The following CD72 variants were observed in gnomAD, a reference collection of about 807,000 sequenced individuals.
CD72 encodes the protein CD72 molecule, also known as B-cell differentiation antigen CD72.
Under a neutral mutation model 50.7 loss-of-function variants are expected in CD72, and 28 were observed. That is an observed-to-expected ratio of 0.55 (90% CI 0.41 to 0.76). CD72 has a LOEUF of 0.76. Ranked by LOEUF, CD72 falls within the 30% of genes least tolerant of loss-of-function variation. The pLI is 0.00. For synonymous variants in CD72, 176 were observed against 171.2 expected (o/e 1.03, Z -0.22); for missense variants, 403 against 420.6 (o/e 0.96, Z 0.37).
chr9:35,643,464 AT>A (rs1823357941), intron 1 of CD72: 1 of 152,212 alleles, frequency 6.6e-6, no homozygotes, highest in African/African-American at 2.4e-5. Context: ...TTCCCATTCC[AT>A]TTAGGCCTCC....
chr9:35,625,226 C>A (rs1823185748), intron 1 of CD72, among the ~76,000 whole-genome samples: 1 of 152,196 alleles, frequency 6.6e-6, no homozygotes, highest in Admixed American at 6.5e-5. Context: ...AAAAGAGCTA[C>A]TCCAGTGAAC....
Position 35,612,904 on chromosome 9 carries a change from G to A in CD72, c.778C>T (p.Gln260Ter). ...AGCTTGGAAGACAGAGTTTCACATT[G>A]TTTTTGGCTCTCCTGCCAATTTTTT... is the stretch of plus-strand genomic sequence containing the variant. Reference protein sequence around the residue: ...TSKNWQESQKQCETLSSKLAT... With the variant: ...TSKNWQESQK Residue 260 changes from glutamine (Q) to a stop codon, truncating the protein, a stop_gained, in exon 6 of 9, where the codon CAA (glutamine) becomes TAA (stop). Coordinates refer to ENST00000259633, the MANE Select transcript of CD72 (RefSeq NM_001782.3). LOFTEE classifies it high-confidence loss of function. The A allele has an allele frequency of 1.2e-6, 2 of 1,614,094 alleles. No individual in the cohort carries two copies. Among genetic ancestry groups the A allele is most frequent in the Non-Finnish European group, 1.7e-6 (2 of 1,179,988 alleles).
intron 1 of CD72, among the ~76,000 whole-genome samples, chr9:35,640,438 C>T (rs1445719897): frequency 1.3e-5 from 2 of 152,228 alleles, no homozygotes; most frequent in South Asian, 2.1e-4. Context: ...TTGGGCCATG[C>T]GATGAGTGTT....
At chr9:35,638,146 T>C (rs1823308643) in intron 1 of CD72, among the ~76,000 whole-genome samples, 1 of 152,160 alleles carries the variant, frequency 6.6e-6, no homozygotes, top group African/African-American at 2.4e-5. Context: ...GTGCCGTACA[T>C]CCGGGCGTCT....
chr9:35,635,373 A>G (rs1051324520), intron 1 of CD72, among the ~76,000 whole-genome samples: 3 of 152,090 alleles, frequency 2.0e-5, no homozygotes, highest in African/African-American at 7.2e-5. Flanking sequence ...CTTCTACCAC[A>G]TATTTGCAAT....
intron 5 of CD72, among the ~76,000 whole-genome samples, chr9:35,614,124 T>A (rs182709548): frequency 1.3e-3 from 196 of 152,344 alleles, no homozygotes; most frequent in Non-Finnish European, 1.2e-3. Context: ...TAAGGATTTT[T>A]ATTTTTATAT....
chr9:35,627,831 CT>C (rs372328184), intron 1 of CD72, among the ~76,000 whole-genome samples: 3 of 149,200 alleles, frequency 2.0e-5, no homozygotes, highest in African/African-American at 4.9e-5. Context: ...TTTTGTACCT[CT>C]TTTTTTTTTC....
Position 35,610,617 on chromosome 9 carries a change from G to A in CD72, c.*7C>T. 6.2e-7 allele frequency: 1 copy of A among 1,613,320 alleles called. No homozygotes were observed. Among genetic ancestry groups the A allele is most frequent in the Non-Finnish European group, 8.5e-7 (1 of 1,179,564 alleles). On this transcript the variant is annotated 3_prime_UTR_variant, in exon 8 of 9. Coordinates refer to ENST00000259633, the MANE Select transcript of CD72 (RefSeq NM_001782.3). ...TCACTCTTACCAACTCAGTGCAAAG[G>A]ACTGTCCTAATCTGGAAACCTGAAA... is the stretch of plus-strand genomic sequence containing the variant.
At position 35,616,138 on chromosome 9, in the gene CD72, C is replaced by A. The variant is rs1823060915; in HGVS notation, c.493G>T (p.Ala165Ser). The change falls in exon 5 of 9, where the codon GCG becomes TCG. Residue 165 changes from alanine to serine, a missense_variant. By Grantham distance (99) the Ala-to-Ser change is moderately conservative (BLOSUM62 1). Coordinates refer to ENST00000259633, the MANE Select transcript of CD72 (RefSeq NM_001782.3). ...EDLQGSRREL[A>S]QSQEALQVEQ... is the part of the protein sequence containing the mutation. The stretch of plus-strand genomic sequence containing the variant: ...ACCTGTAGTGCTTCCTGACTCTGCG[C>A]CAGCTCTCTCCTGGACCCCTGCAGA... The A allele has an allele frequency of 1.2e-6, 2 of 1,614,182 alleles. No homozygotes were observed. The highest frequency in any genetic ancestry group is 8.5e-7 in the Non-Finnish European group (1 of 1,180,040).
At position 35,611,773 on chromosome 9, in the gene CD72, T is replaced by G. The variant is rs768950083; in HGVS notation, c.950+31A>C. ...GTCTTTATGGAGGGGATTATGGAGT[T>G]GAAAATACCCAGAAGTCCTAACAAA... On this transcript the variant is annotated intron_variant, in intron 7 of 8. Transcript: ENST00000259633. 3.8e-5 allele frequency: 46 copies of G among 1,196,880 alleles called. 1 individual carries two copies. In the South Asian group the frequency reaches 5.6e-4, roughly 15 times the overall value. The allele number at this position is 1,196,880 out of a possible 1,614,324, so 74.1% of individuals were successfully genotyped here.
intron 1 of CD72, among the ~76,000 whole-genome samples, chr9:35,633,631 T>C (rs1342800072): frequency 6.6e-6 from 1 of 152,182 alleles, no homozygotes; most frequent in Non-Finnish European, 1.5e-5. Context: ...ACAATTAAGA[T>C]ACAAAACCTT....
chr9:35,645,960 C>A (rs974257445), intron 1 of CD72, among the ~76,000 whole-genome samples: 1 of 152,044 alleles, frequency 6.6e-6, no homozygotes, highest in Middle Eastern at 3.2e-3. Flanking sequence ...AGGAGTTCAC[C>A]AGCCTGCCCA....
chr9:35,610,068 A>C lies in CD72; in HGVS notation c.*255T>G. On this transcript the variant is annotated 3_prime_UTR_variant, in exon 9 of 9. Transcript: ENST00000259633. The stretch of plus-strand genomic sequence containing the variant: ...CCCGTGCGCCCTCCTCCCCCACCCC[A>C]TTCTACCATGGGAAGTTCTTGGGGG... 3 of 288,548 alleles carry C rather than the reference A, an allele frequency of 1.0e-5. No homozygotes were observed. The highest frequency in any genetic ancestry group is 1.9e-5 in the Non-Finnish European group (3 of 155,370). 17.9% of individuals were successfully genotyped at this position (288,548 alleles called of 1,614,324 possible).
chr9:35,612,763 G>A (rs776337015), intron 6 of CD72, 85 bp downstream of exon 6: 1 of 1,275,406 alleles, frequency 7.8e-7, no homozygotes, highest in Non-Finnish European at 1.1e-6. Flanking sequence ...CCCCAGCCAT[G>A]TGTGCACTGC....
chr9:35,640,600 G>A (rs1823330227), intron 1 of CD72, among the ~76,000 whole-genome samples: 1 of 152,238 alleles, frequency 6.6e-6, no homozygotes. Flanking sequence ...AGTCTCACTG[G>A]GTCAGGAGCA....
In CD72 at chr9:35,616,047, G is replaced by A. The variant is rs755556121; in HGVS notation, c.584C>T (p.Thr195Met). 32 of 1,613,922 alleles carry A rather than the reference G, an allele frequency of 2.0e-5. No individual in the cohort carries two copies. The highest frequency in any genetic ancestry group is 4.4e-5 in the South Asian group (4 of 91,080). ...LQACQADRQK[T>M]KETLQSEEQQ... ...CTCCTCACTTTGCAAGGTCTCCTTC[G>A]TCTTCTGTCTGTCTGCCTGGCAGGC... The change falls in exon 5 of 9, where the codon ACG (threonine) becomes ATG (methionine). Residue 195 changes from threonine (T) to methionine (M), a missense_variant. Thr to Met is a moderately conservative substitution (Grantham distance 81). Transcript: ENST00000259633.
chr9:35,612,159 T>G (rs1458103262), intron 6 of CD72, among the ~76,000 whole-genome samples: 2 of 152,184 alleles, frequency 1.3e-5, no homozygotes, highest in Non-Finnish European at 2.9e-5. Context: ...CTGTGTGCTG[T>G]TCTGGCCCCA....
chr9:35,612,799 C>G (rs924593741), intron 6 of CD72, 49 bp downstream of exon 6: 1 of 1,574,510 alleles, frequency 6.4e-7, no homozygotes, highest in African/African-American at 1.3e-5. Context: ...GACATATGTC[C>G]CTTTACCTAA....
At chr9:35,629,735 C>A (rs1420399454) in intron 1 of CD72, among the ~76,000 whole-genome samples, 1 of 152,186 alleles carries the variant, frequency 6.6e-6, no homozygotes, top group African/African-American at 2.4e-5. Flanking sequence ...TTTGATGACG[C>A]GAATGTCCTG....
Sources: allele counts gnomAD v4.1 joint callset (sites outside exome capture counted in the v4.1 genomes callset), GRCh38; gene constraint gnomAD v4.1.1; transcripts MANE v1.5; gene names NCBI Gene and HGNC (gene_info 2026-07-23, HGNC 2026-07-21).